Variants in KCNIP4 observed in about 807,000 individuals in gnomAD.
KCNIP4 encodes the protein potassium voltage-gated channel interacting protein 4.
KCNIP4 carries 12 observed loss-of-function variants against 34.0 expected under a neutral mutation model. The observed-to-expected ratio is 0.35, with a 90% CI of 0.23 to 0.57. The LOEUF is 0.57. KCNIP4 is among the 20% of genes least tolerant of loss of function. The pLI, the probability that KCNIP4 is intolerant of heterozygous loss-of-function variation, is 0.83. For synonymous variants in KCNIP4, 124 were observed against 102.2 expected (o/e 1.21, Z -1.29); for missense variants, 238 against 311.7 (o/e 0.76, Z 1.78).
intron 1 of KCNIP4, among the ~76,000 whole-genome samples, chr4:21,558,202 G>A (rs192473444): frequency 6.6e-6 from 1 of 152,136 alleles, no homozygotes; most frequent in African/African-American, 2.4e-5. Context: ...ACCTTAAATG[G>A]GATTTAGGAC....
chr4:21,123,584 T>C (rs1750354027), intron 1 of KCNIP4, among the ~76,000 whole-genome samples: 1 of 152,196 alleles, frequency 6.6e-6, no homozygotes, highest in Non-Finnish European at 1.5e-5. Flanking sequence ...CAATAAACAA[T>C]TTTAATTTAT....
At chr4:20,796,892 G>T (rs1409677308) in intron 3 of KCNIP4, among the ~76,000 whole-genome samples, 1 of 152,146 alleles carries the variant, frequency 6.6e-6, no homozygotes, top group African/African-American at 2.4e-5. Context: ...ACAGCACTCA[G>T]TGCAGATCAA....
In KCNIP4 at chr4:21,279,018, A is replaced by G. The variant is rs1174745095; in HGVS notation, c.62-396309T>C. 2.0e-5 allele frequency among the ~76,000 whole-genome samples: 3 copies of G among 152,306 alleles called. No homozygotes were observed. In the East Asian group the frequency reaches 5.8e-4, roughly 29 times the overall value. ...TAGAGATAAAGGGGTGTTGTTAGAG[A>G]GGATAATCCTCATGTTCCATATGTG... is the stretch of plus-strand genomic sequence containing the variant. On this transcript the variant is annotated intron_variant, in intron 1 of 8. Transcript: ENST00000382152.
At chr4:20,802,187 A>ACATATATGC (rs369252440) in intron 3 of KCNIP4, among the ~76,000 whole-genome samples, 28 of 57,778 alleles carry the variant, frequency 4.8e-4, no homozygotes, top group African/African-American at 1.2e-3. Context: ...TATATATGCT[A>ACATATATGC]TATATATGCT....
chr4:21,511,399 T>C (rs946642479), intron 1 of KCNIP4, among the ~76,000 whole-genome samples: 6 of 53,848 alleles, frequency 1.1e-4, no homozygotes, highest in Admixed American at 9.1e-4. Flanking sequence ...GTCCTCATTC[T>C]TGGGTTTTAC....
chr4:21,890,303 C>T (rs1727017717), intron 1 of KCNIP4, among the ~76,000 whole-genome samples: 1 of 152,044 alleles, frequency 6.6e-6, no homozygotes, highest in African/African-American at 2.4e-5. Context: ...AATTTATATA[C>T]CTTAATGACC....
intron 1 of KCNIP4, among the ~76,000 whole-genome samples, chr4:20,888,625 CTT>C (rs1409109778): frequency 6.6e-6 from 1 of 152,090 alleles, no homozygotes; most frequent in Non-Finnish European, 1.5e-5. Flanking sequence ...ACTAAACACT[CTT>C]TGTTTTCATT....
chr4:21,647,004 C>T (rs1262294189), intron 1 of KCNIP4, among the ~76,000 whole-genome samples: 1 of 151,924 alleles, frequency 6.6e-6, no homozygotes, highest in Non-Finnish European at 1.5e-5. Flanking sequence ...AAAACCACAA[C>T]AGTTTTTCAG....
rs71189700 is a variant in KCNIP4, at chr4:21,400,465, TTCCTC to T, written c.62-517761_62-517757del. On this transcript the variant is annotated intron_variant, in intron 1 of 8. Coordinates refer to ENST00000382152, the MANE Select transcript of KCNIP4 (RefSeq NM_025221.6). ...TTGCCATTTCCTATTTTTCTTTCTG[TTCCTC>T]TCCTCTCCTCTCCTCTCCTCTCCCC... is the stretch of plus-strand genomic sequence containing the variant. Among the ~76,000 whole-genome samples, 554 of 118,046 alleles carry T rather than the reference TTCCTC, an allele frequency of 4.7e-3. 18 individuals carry two copies. In the East Asian group the frequency reaches 0.063, roughly 13 times the overall value. 77.4% of individuals were successfully genotyped at this position (118,046 alleles called of 152,430 possible).
intron 1 of KCNIP4, among the ~76,000 whole-genome samples, chr4:20,985,882 GT>G (rs1355422599): frequency 2.0e-5 from 3 of 152,138 alleles, no homozygotes; most frequent in African/African-American, 7.2e-5. Flanking sequence ...CCATGCTCAA[GT>G]TTTGAGGTTG....
intron 1 of KCNIP4, among the ~76,000 whole-genome samples, chr4:21,882,654 G>T (rs1446384183): frequency 6.6e-6 from 1 of 152,124 alleles, no homozygotes. Context: ...ACCAAAAGTA[G>T]CCTAAAGCAG....
intron 1 of KCNIP4, among the ~76,000 whole-genome samples, chr4:21,175,076 G>A (rs371595260): frequency 2.0e-5 from 3 of 151,548 alleles, no homozygotes; most frequent in African/African-American, 7.3e-5. Context: ...GCTTGACTAA[G>A]GTTTACATAG....
At chr4:21,105,764 C>A (rs9683739) in intron 1 of KCNIP4, among the ~76,000 whole-genome samples, 42,573 of 150,970 alleles carry the variant, frequency 0.28, 6,859 homozygotes, top group African/African-American at 0.41. Context: ...TTTTGAGATA[C>A]GTCCCATCAA....
At chr4:21,168,503 A>G (rs16870513) in intron 1 of KCNIP4, among the ~76,000 whole-genome samples, 22,953 of 152,192 alleles carry the variant, frequency 0.15, 1,813 homozygotes, top group Middle Eastern at 0.22. Flanking sequence ...TAGATAGGCT[A>G]TGGAAATGGA....
At chr4:21,913,083 T>C (rs1029029391) in intron 1 of KCNIP4, among the ~76,000 whole-genome samples, 2 of 151,904 alleles carry the variant, frequency 1.3e-5, no homozygotes, top group East Asian at 1.9e-4. Flanking sequence ...CCCTCCAAAA[T>C]GCAGGTGTTG....
At chr4:21,719,616 C>A (rs1295683014) in intron 1 of KCNIP4, among the ~76,000 whole-genome samples, 1 of 152,118 alleles carries the variant, frequency 6.6e-6, no homozygotes, top group Non-Finnish European at 1.5e-5. Context: ...TAGTACTGAA[C>A]CATCACCTCT....
intron 8 of KCNIP4, among the ~76,000 whole-genome samples, chr4:20,730,794 A>G (rs897625907): frequency 6.6e-6 from 1 of 152,182 alleles, no homozygotes; most frequent in Non-Finnish European, 1.5e-5. Context: ...GACTTTGGGC[A>G]TTATTGGAGC....
chr4:20,980,940 A>G (rs1736006626), intron 1 of KCNIP4, among the ~76,000 whole-genome samples: 1 of 152,220 alleles, frequency 6.6e-6, no homozygotes, highest in African/African-American at 2.4e-5. Context: ...TCAGCTAGAA[A>G]GAATGAAAGC....
intron 3 of KCNIP4, among the ~76,000 whole-genome samples, chr4:20,826,840 G>A (rs1424616126): frequency 6.6e-6 from 1 of 152,146 alleles, no homozygotes; most frequent in Non-Finnish European, 1.5e-5. Context: ...TTCCCCCTGA[G>A]ATAGGAAACA....
Sources: gnomAD v4.1 joint callset for allele counts (sites outside exome capture counted in the v4.1 genomes callset) on GRCh38, gnomAD v4.1.1 for gene constraint, MANE v1.5 for transcripts, NCBI Gene and HGNC (gene_info 2026-07-23, HGNC 2026-07-21) for gene names.